Variants in RPS6KC1 observed in about 807,000 individuals in gnomAD.
The protein encoded by RPS6KC1 is ribosomal protein S6 kinase C1, also known as inactive ribosomal protein S6 kinase delta-1.
A neutral mutation model predicts 103.8 loss-of-function variants in RPS6KC1; 54 were observed. That is an observed-to-expected ratio of 0.52 (90% CI 0.42 to 0.65). The LOEUF is 0.65. RPS6KC1 is among the 30% of genes least tolerant of loss of function. The pLI is 0.00. For missense variants in RPS6KC1, 1,151 were observed against 1,253.8 expected (o/e 0.92, Z 1.24); for synonymous variants, 439 against 438.7 (o/e 1.00, Z -0.01).
the RPS6KC1 span, among the ~76,000 whole-genome samples, chr1:213,481,163 G>C: frequency 6.6e-6 from 1 of 152,104 alleles, no homozygotes; most frequent in Non-Finnish European, 1.5e-5. Context: ...CCTTTATTCC[G>C]TTTTTTATTT....
At chr1:213,209,852 G>A (rs1443237850) in intron 8 of RPS6KC1, among the ~76,000 whole-genome samples, 1 of 152,094 alleles carries the variant, frequency 6.6e-6, no homozygotes, top group Non-Finnish European at 1.5e-5. Flanking sequence ...TGGGAAAGGG[G>A]TGTGAATTTC....
chr1:213,300,731 C>A, the RPS6KC1 span, among the ~76,000 whole-genome samples: 5 of 152,170 alleles, frequency 3.3e-5, no homozygotes, highest in African/African-American at 1.2e-4. Flanking sequence ...AAGGCTCAGC[C>A]AGTCTCCTTA....
intron 6 of RPS6KC1, among the ~76,000 whole-genome samples, chr1:213,140,979 C>T (rs1000698287): frequency 6.6e-6 from 1 of 151,650 alleles, no homozygotes; most frequent in African/African-American, 2.4e-5. Flanking sequence ...TCACTGCAAC[C>T]TCCCCCTCCC....
the RPS6KC1 span, among the ~76,000 whole-genome samples, chr1:213,318,450 C>G: frequency 1.3e-5 from 2 of 152,194 alleles, no homozygotes; most frequent in East Asian, 3.9e-4. Flanking sequence ...TGGACTGCAT[C>G]ATAAATTGAG....
the RPS6KC1 span, among the ~76,000 whole-genome samples, chr1:213,768,320 A>G: frequency 1.3e-5 from 2 of 152,190 alleles, no homozygotes; most frequent in Non-Finnish European, 2.9e-5. Flanking sequence ...TCTGGGGCAG[A>G]TAGCTCATCA....
chr1:213,052,544 A>AT lies in RPS6KC1; in HGVS notation c.105+1048dup, dbSNP rs879695220. On this transcript the variant is annotated intron_variant, in intron 1 of 14. Transcript: ENST00000366960. ...GGATGTAAAGCAGGCCTTCAGAATA[A>AT]TTTTTTTTTTTTTGAGACGGAGTTT... is the stretch of plus-strand genomic sequence containing the variant. 4.1e-3 allele frequency among the ~76,000 whole-genome samples: 602 copies of AT among 146,624 alleles called. 2 individuals are homozygous for AT. The highest frequency in any genetic ancestry group is 0.011 in the African/African-American group (457 of 40,206).
At chr1:213,180,313 CT>C (rs925083929) in intron 8 of RPS6KC1, among the ~76,000 whole-genome samples, 3 of 152,182 alleles carry the variant, frequency 2.0e-5, no homozygotes, top group Non-Finnish European at 4.4e-5. Flanking sequence ...ACCAGGAAGT[CT>C]GGTTTCTCTG....
At chr1:213,128,365 A>G (rs1341197692) in intron 5 of RPS6KC1, among the ~76,000 whole-genome samples, 2 of 152,214 alleles carry the variant, frequency 1.3e-5, no homozygotes, top group Non-Finnish European at 2.9e-5. Flanking sequence ...GCTTTATTTT[A>G]TACATTTCTA....
chr1:213,679,760 AG>A, the RPS6KC1 span, among the ~76,000 whole-genome samples: 31 of 152,214 alleles, frequency 2.0e-4, 1 homozygote, highest in Non-Finnish European at 5.9e-5. Flanking sequence ...ACCTAAAAGC[AG>A]CATGTTAAAG....
At chr1:213,790,493 A>T in the RPS6KC1 span, among the ~76,000 whole-genome samples, 1 of 152,188 alleles carries the variant, frequency 6.6e-6, no homozygotes, top group Non-Finnish European at 1.5e-5. Flanking sequence ...GGAAATGTTA[A>T]ATTTAGAAGA....
At chr1:213,110,541 G>A (rs1481531469) in intron 4 of RPS6KC1, among the ~76,000 whole-genome samples, 1 of 152,220 alleles carries the variant, frequency 6.6e-6, no homozygotes, top group Non-Finnish European at 1.5e-5. Flanking sequence ...ACCTGTGTCA[G>A]CATAGCTTTG....
chr1:213,661,489 G>T, the RPS6KC1 span, among the ~76,000 whole-genome samples: 50 of 152,290 alleles, frequency 3.3e-4, no homozygotes, highest in African/African-American at 1.2e-3. Flanking sequence ...ATCTTGCCAT[G>T]ATAACTCACC....
intron 3 of RPS6KC1, among the ~76,000 whole-genome samples, chr1:213,097,994 G>A (rs2081620044): frequency 6.6e-6 from 1 of 152,200 alleles, no homozygotes; most frequent in Non-Finnish European, 1.5e-5. Context: ...CAATAACGCT[G>A]CTTCACTTTC....
At chr1:213,504,996 C>G in the RPS6KC1 span, among the ~76,000 whole-genome samples, 1 of 152,090 alleles carries the variant, frequency 6.6e-6, no homozygotes, top group Non-Finnish European at 1.5e-5. Flanking sequence ...CTAAGTTCCC[C>G]ACAACCCCCA....
the RPS6KC1 span, among the ~76,000 whole-genome samples, chr1:213,557,797 T>G: frequency 6.6e-6 from 1 of 152,108 alleles, no homozygotes; most frequent in African/African-American, 2.4e-5. Flanking sequence ...GCAGTGGAGA[T>G]CTGGCTGCCT....
At chr1:213,438,061 GCT>G in the RPS6KC1 span, among the ~76,000 whole-genome samples, 1 of 151,676 alleles carries the variant, frequency 6.6e-6, no homozygotes, top group Non-Finnish European at 1.5e-5. Context: ...AACTTCTTCT[GCT>G]GTATCTAATC....
Position 213,219,021 on chromosome 1 carries a change from TTAAAC to T in RPS6KC1, c.1045-11471_1045-11467del, listed in dbSNP as rs1437397898. ...GCCAGAATTGACAAATGGTATCTAA[TTAAAC>T]TAAAGAGCTTCTGCACAGCAAAAGA... On this transcript the variant is annotated intron_variant, in intron 8 of 14. Transcript: ENST00000366960. 2.6e-5 allele frequency among the ~76,000 whole-genome samples: 4 copies of T among 152,262 alleles called. No individual in the cohort carries two copies. The South Asian group carries it at 6.2e-4, about 24-fold the overall frequency.
the RPS6KC1 span, among the ~76,000 whole-genome samples, chr1:213,804,070 C>T: frequency 7.7e-4 from 115 of 149,584 alleles, no homozygotes; most frequent in African/African-American, 2.8e-3. Flanking sequence ...TGTAACAAAC[C>T]TGCACGTTGT....
At chr1:213,490,957 GA>G in the RPS6KC1 span, among the ~76,000 whole-genome samples, 1 of 152,128 alleles carries the variant, frequency 6.6e-6, no homozygotes, top group Non-Finnish European at 1.5e-5. Context: ...AAGGATCCTG[GA>G]AACATTGTCC....
Sources: gnomAD v4.1 joint callset for allele counts (sites outside exome capture counted in the v4.1 genomes callset) on GRCh38, gnomAD v4.1.1 for gene constraint, MANE v1.5 for transcripts, NCBI Gene and HGNC (gene_info 2026-07-23, HGNC 2026-07-21) for gene names.